The following CD44 variants were observed in gnomAD, a reference collection of about 807,000 sequenced individuals.
The protein encoded by CD44 is CD44 antigen.
A neutral mutation model predicts 88.8 loss-of-function variants in CD44; 49 were observed. The ratio of observed to expected loss-of-function variants is 0.55; its 90% CI spans 0.44 to 0.70. CD44 has a LOEUF of 0.70. CD44 is among the 30% of genes least tolerant of loss of function. CD44 has a pLI of 0.00. For synonymous variants in CD44, 325 were observed against 312.3 expected, an observed-to-expected ratio of 1.04 and a Z score of -0.43; for missense variants, 883 against 913.8, an observed-to-expected ratio of 0.97 and a Z score of 0.43.
chr11:35,143,192 A>T (rs1020422827), intron 1 of CD44, among the ~76,000 whole-genome samples: 1 of 152,016 alleles, frequency 6.6e-6, no homozygotes, highest in African/African-American at 2.4e-5. Flanking sequence ...TTGGTGTTCG[A>T]CAATGATTCT....
At chr11:35,148,125 A>G (rs1470303438) in intron 1 of CD44, among the ~76,000 whole-genome samples, 1 of 151,948 alleles carries the variant, frequency 6.6e-6, no homozygotes, top group Non-Finnish European at 1.5e-5. Context: ...GAAATGAACA[A>G]TTCCATGCAG....
intron 1 of CD44, among the ~76,000 whole-genome samples, chr11:35,144,484 G>A (rs1858702153): frequency 3.3e-5 from 5 of 152,234 alleles, no homozygotes; most frequent in Admixed American, 2.0e-4. Context: ...TAGAATGGCA[G>A]GGTAGGTTGA....
chr11:35,204,826 A>G, intron 10 of CD44, 186 bp downstream of exon 10: 1 of 550,612 alleles, frequency 1.8e-6, no homozygotes, highest in Non-Finnish European at 3.2e-6. Flanking sequence ...CCTGAACAGG[A>G]ATGGATACAA....
At chr11:35,145,928 C>A (rs115524600) in intron 1 of CD44, among the ~76,000 whole-genome samples, 1 of 152,142 alleles carries the variant, frequency 6.6e-6, no homozygotes, top group Non-Finnish European at 1.5e-5. Context: ...CAATGGCAAA[C>A]GGTGTCTCCT....
chr11:35,171,984 T>A (rs1341810374), intron 1 of CD44, among the ~76,000 whole-genome samples: 1 of 151,996 alleles, frequency 6.6e-6, no homozygotes, highest in Non-Finnish European at 1.5e-5. Flanking sequence ...GGAGGAAGAC[T>A]CTCTGGTGAA....
At chr11:35,150,337 A>G (rs1055206628) in intron 1 of CD44, among the ~76,000 whole-genome samples, 3 of 152,116 alleles carry the variant, frequency 2.0e-5, no homozygotes, top group African/African-American at 4.8e-5. Flanking sequence ...TCTTTCCCCA[A>G]ATCAAGGCAC....
intron 1 of CD44, among the ~76,000 whole-genome samples, chr11:35,167,208 A>G (rs1173933551): frequency 1.4e-4 from 21 of 152,158 alleles, no homozygotes; most frequent in Admixed American, 1.4e-3. Context: ...TAGCAACAGC[A>G]CTGGTGTAGG....
chr11:35,221,570 A>G (rs955520092), intron 16 of CD44, 84 bp from the exon 17 acceptor site: 2 of 1,164,852 alleles, frequency 1.7e-6, no homozygotes, highest in African/African-American at 1.5e-5. Flanking sequence ...GCTTGTTTCA[A>G]CTAGGTCAAT....
At chr11:35,165,907 T>A (rs965110832) in intron 1 of CD44, among the ~76,000 whole-genome samples, 1 of 152,292 alleles carries the variant, frequency 6.6e-6, no homozygotes, top group East Asian at 1.9e-4. Flanking sequence ...CAGTTTCTCA[T>A]CCTACCTCAA....
intron 3 of CD44, among the ~76,000 whole-genome samples, chr11:35,181,680 ATT>A (rs201893391): frequency 7.4e-6 from 1 of 134,530 alleles, no homozygotes; most frequent in Non-Finnish European, 1.5e-5. Flanking sequence ...ATATATATAT[ATT>A]TATATATATA....
intron 1 of CD44, among the ~76,000 whole-genome samples, chr11:35,146,547 G>A (rs566108287): frequency 6.6e-6 from 1 of 152,160 alleles, no homozygotes; most frequent in Non-Finnish European, 1.5e-5. Flanking sequence ...ATACTGCCTT[G>A]TTTAATCCAA....
At chr11:35,154,359 A>G (rs1485630518) in intron 1 of CD44, among the ~76,000 whole-genome samples, 1 of 152,194 alleles carries the variant, frequency 6.6e-6, no homozygotes, top group Non-Finnish European at 1.5e-5. Flanking sequence ...ATGTACAACC[A>G]TTTGGCTCCT....
At chr11:35,163,831 G>A (rs549716924) in intron 1 of CD44, among the ~76,000 whole-genome samples, 47 of 152,240 alleles carry the variant, frequency 3.1e-4, no homozygotes, top group African/African-American at 9.6e-4. Flanking sequence ...TAAAGTCAAG[G>A]TGCAGCAAGG....
chr11:35,169,678 A>G (rs935722742), intron 1 of CD44, among the ~76,000 whole-genome samples: 5 of 152,244 alleles, frequency 3.3e-5, no homozygotes, highest in African/African-American at 9.6e-5. Flanking sequence ...GGGGTGGACC[A>G]AGAAGCTATT....
intron 4 of CD44, among the ~76,000 whole-genome samples, chr11:35,189,438 G>A (rs530324650): frequency 6.6e-6 from 1 of 152,368 alleles, no homozygotes; most frequent in African/African-American, 2.4e-5. Flanking sequence ...TCAGAAGGGA[G>A]AGTAGGGAAA....
chr11:35,205,909 G>T, intron 10 of CD44: 1 of 1,224,214 alleles, frequency 8.2e-7, no homozygotes. Flanking sequence ...TTCACATGCT[G>T]ATTGCTAAGA....
At chr11:35,173,162 T>A (rs544351541) in intron 1 of CD44, among the ~76,000 whole-genome samples, 8 of 152,228 alleles carry the variant, frequency 5.3e-5, no homozygotes, top group Non-Finnish European at 1.0e-4. Context: ...TCAGAGTTGA[T>A]TTTTAACCTG....
At chr11:35,148,247 G>C (rs1361041473) in intron 1 of CD44, among the ~76,000 whole-genome samples, 1 of 152,152 alleles carries the variant, frequency 6.6e-6, no homozygotes, top group Admixed American at 6.5e-5. Context: ...CACAGATGTT[G>C]CCTCTGCTGA....
chr11:35,221,126 A>G (rs1267900459), intron 16 of CD44, among the ~76,000 whole-genome samples: 5 of 152,200 alleles, frequency 3.3e-5, no homozygotes, highest in Non-Finnish European at 7.3e-5. Flanking sequence ...TGTTTAGCAA[A>G]CATTGCCTAC....
Sources: allele counts gnomAD v4.1 joint callset (sites outside exome capture counted in the v4.1 genomes callset), GRCh38; gene constraint gnomAD v4.1.1; transcripts MANE v1.5; gene names NCBI Gene and HGNC (gene_info 2026-07-23, HGNC 2026-07-21).